The following LRRC75A variants were observed in gnomAD, a reference collection of about 807,000 sequenced individuals.
LRRC75A encodes the protein leucine-rich repeat-containing protein 75A.
LRRC75A carries 12 observed loss-of-function variants against 26.0 expected under a neutral mutation model. That is an observed-to-expected ratio of 0.46 (90% CI 0.30 to 0.75). The LOEUF (loss-of-function observed/expected upper bound fraction) is 0.75. Among genes scored for constraint, LRRC75A ranks in the 30% least tolerant of loss-of-function variants. LRRC75A has a pLI of 0.08. For synonymous variants in LRRC75A, 223 were observed against 219.3 expected, an observed-to-expected ratio of 1.02 and a Z score of -0.15; for missense variants, 410 against 486.6, an observed-to-expected ratio of 0.84 and a Z score of 1.48.
intron 1 of LRRC75A, among the ~76,000 whole-genome samples, chr17:16,485,399 G>A (rs1346500085): frequency 6.6e-6 from 1 of 152,176 alleles, no homozygotes; most frequent in Non-Finnish European, 1.5e-5. Context: ...ACCCCAGAGA[G>A]ACCCTTCATT....
At chr17:16,474,721 G>A (rs552959682) in intron 1 of LRRC75A, among the ~76,000 whole-genome samples, 2 of 152,120 alleles carry the variant, frequency 1.3e-5, no homozygotes, top group South Asian at 4.2e-4. Flanking sequence ...GAGGCCGGGC[G>A]CGGTGGCTCA....
chr17:16,461,557 G>A (rs1373958708), intron 2 of LRRC75A, among the ~76,000 whole-genome samples: 1 of 152,234 alleles, frequency 6.6e-6, no homozygotes, highest in African/African-American at 2.4e-5. Context: ...CTGCAGATCT[G>A]GAGCCTGGAG....
Position 16,491,714 on chromosome 17 carries a change from C to A in LRRC75A, c.246+31G>T. On this transcript the variant is annotated intron_variant, in intron 1 of 3. Coordinates refer to ENST00000470794, the MANE Select transcript of LRRC75A (RefSeq NM_001113567.3). The surrounding 1 kb of genome is among the most constrained non-coding windows in gnomAD (Gnocchi z 5.9). ...CGGCCCAGCACGCCCCCTGGCCCGG[C>A]GCGCCCCCCGCGCCCCCTCCCCGCG... 7.7e-7 allele frequency: 1 copy of A among 1,295,420 alleles called. No homozygotes were observed. Among genetic ancestry groups the A allele is most frequent in the Admixed American group, 4.2e-5 (1 of 23,788 alleles). 80.2% of individuals were successfully genotyped at this position (1,295,420 alleles called of 1,614,324 possible).
Position 16,447,889 on chromosome 17 carries a change from C to G in LRRC75A, c.447G>C (p.Gln149His). ...TCACCAGCCCCCGGTGCCGCCTCCA[C>G]TGGGAGTGGGGGCTGAGGTGGTATG... ...QLTYHLSPHS[Q>H]WRRHRGLVKR... Residue 149 changes from glutamine to histidine, a missense_variant, in exon 3 of 4, where the codon CAG (glutamine) becomes CAC (histidine). Coordinates refer to ENST00000470794, the MANE Select transcript of LRRC75A (RefSeq NM_001113567.3). The G allele has an allele frequency of 4.5e-6, 7 of 1,550,404 alleles. No individual in the cohort carries two copies. Among genetic ancestry groups the G allele is most frequent in the Non-Finnish European group, 6.1e-6 (7 of 1,146,746 alleles).
chr17:16,486,543 T>C (rs534904436), intron 1 of LRRC75A, among the ~76,000 whole-genome samples: 1 of 152,200 alleles, frequency 6.6e-6, no homozygotes, highest in South Asian at 2.1e-4. Flanking sequence ...AAAAGGAAGG[T>C]TTCTCTTTGT....
At chr17:16,487,622 T>A (rs925575327) in intron 1 of LRRC75A, among the ~76,000 whole-genome samples, 1 of 152,216 alleles carries the variant, frequency 6.6e-6, no homozygotes, top group African/African-American at 2.4e-5. Flanking sequence ...TATTTGCATT[T>A]GTAGAGACAG....
chr17:16,482,621 G>A (rs545425247), intron 1 of LRRC75A, among the ~76,000 whole-genome samples: 2 of 152,340 alleles, frequency 1.3e-5, no homozygotes, highest in South Asian at 2.1e-4. Flanking sequence ...TGAGGAAAGG[G>A]GTTTGCCCAG....
chr17:16,489,532 G>A (rs2093853226), intron 1 of LRRC75A, among the ~76,000 whole-genome samples: 1 of 152,212 alleles, frequency 6.6e-6, no homozygotes, highest in Non-Finnish European at 1.5e-5. Flanking sequence ...AAACTGGAAT[G>A]GAAAGGAAAA....
intron 1 of LRRC75A, among the ~76,000 whole-genome samples, chr17:16,469,814 G>A (rs2093796723): frequency 6.6e-6 from 1 of 152,248 alleles, no homozygotes; most frequent in Non-Finnish European, 1.5e-5. Context: ...CGCCTTGGGA[G>A]TTGCTGTCTC....
intron 1 of LRRC75A, among the ~76,000 whole-genome samples, chr17:16,481,940 A>G (rs560438074): frequency 1.7e-4 from 26 of 152,238 alleles, no homozygotes; most frequent in African/African-American, 6.0e-4. Flanking sequence ...GCATACGCAG[A>G]GGACTCCCCA....
At chr17:16,444,985 A>G (rs1387490085) in intron 3 of LRRC75A, among the ~76,000 whole-genome samples, 1 of 149,748 alleles carries the variant, frequency 6.7e-6, no homozygotes, top group Non-Finnish European at 1.5e-5. Context: ...AGTAGCTGGG[A>G]TTACAGGCGT....
At chr17:16,467,879 T>C (rs553937105) in intron 1 of LRRC75A, among the ~76,000 whole-genome samples, 1 of 152,298 alleles carries the variant, frequency 6.6e-6, no homozygotes, top group Admixed American at 6.5e-5. Flanking sequence ...GGACATCTCA[T>C]TCTTGACATC....
At chr17:16,447,140 G>C (rs2093592964) in intron 3 of LRRC75A, 1 of 227,354 alleles carries the variant, frequency 4.4e-6, no homozygotes, top group African/African-American at 2.4e-5. Flanking sequence ...TCTCCAGGAA[G>C]CCTTACTTCC....
intron 1 of LRRC75A, among the ~76,000 whole-genome samples, chr17:16,474,025 C>T (rs1406491532): frequency 2.6e-5 from 4 of 152,316 alleles, no homozygotes; most frequent in African/African-American, 4.8e-5. Context: ...AATTAAAATC[C>T]GAGAAACGGC....
At chr17:16,453,244 G>A (rs1018961930) in intron 2 of LRRC75A, among the ~76,000 whole-genome samples, 1 of 152,156 alleles carries the variant, frequency 6.6e-6, no homozygotes, top group Admixed American at 6.5e-5. Flanking sequence ...AGCCGAGATC[G>A]CGCCACTGAA....
chr17:16,443,793 AAGG>A lies in LRRC75A; in HGVS notation c.827_829del (p.Ser276del), dbSNP rs1231762384. 2 of 1,613,738 alleles carry A rather than the reference AAGG, an allele frequency of 1.2e-6. No individual in the cohort carries two copies. Among genetic ancestry groups the A allele is most frequent in the African/African-American group, 1.3e-5 (1 of 74,926 alleles). On this transcript the variant is annotated inframe_deletion, in exon 4 of 4. Transcript: ENST00000470794. ...CAGGCTGAGCAGGAAGGGCTGGGGCAAGGAGAAGATGTCCACGTTGTTGCCCAG... is the reference window on the plus strand; with the variant it reads ...CAGGCTGAGCAGGAAGGGCTGGGGCAAGAAGATGTCCACGTTGTTGCCCAG...
chr17:16,447,505 T>G (rs1298275728), intron 3 of LRRC75A, among the ~76,000 whole-genome samples: 4 of 152,110 alleles, frequency 2.6e-5, no homozygotes, highest in Non-Finnish European at 4.4e-5. Context: ...GCCACATTGG[T>G]CAGGCTGGTC....
intron 2 of LRRC75A, among the ~76,000 whole-genome samples, chr17:16,458,733 C>T (rs1168916141): frequency 6.6e-6 from 1 of 151,966 alleles, no homozygotes; most frequent in African/African-American, 2.4e-5. Context: ...CCAAAGTGCT[C>T]GGTGGCCTCC....
chr17:16,463,498 G>C (rs2093744139), intron 1 of LRRC75A, among the ~76,000 whole-genome samples: 1 of 151,964 alleles, frequency 6.6e-6, no homozygotes, highest in Non-Finnish European at 1.5e-5. Flanking sequence ...TGGGTAGGGA[G>C]GCAAAGCAGG....
Sources: gnomAD v4.1 joint callset for allele counts (sites outside exome capture counted in the v4.1 genomes callset) on GRCh38, gnomAD v4.1.1 for gene constraint, Gnocchi (gnomAD v3.1) non-coding constraint, MANE v1.5 for transcripts, NCBI Gene and HGNC (gene_info 2026-07-23, HGNC 2026-07-21) for gene names.